MEIKIN: variants seen among roughly 807,000 people sequenced by gnomAD.
The protein encoded by MEIKIN is meiosis-specific kinetochore protein.
At chr5:131,831,960 C>T (rs992727979) in intron 11 of MEIKIN, among the ~76,000 whole-genome samples, 5 of 152,224 alleles carry the variant, frequency 3.3e-5, no homozygotes, top group South Asian at 2.1e-4. Context: ...CTGGGAGATA[C>T]AATTTGAGAT....
chr5:131,881,700 C>A (rs1016885420), intron 8 of MEIKIN, among the ~76,000 whole-genome samples: 1 of 152,038 alleles, frequency 6.6e-6, no homozygotes. Context: ...CAGTCACAAT[C>A]TTGGTATATA....
chr5:131,875,189 AGAG>A lies in MEIKIN; in HGVS notation c.774+3786_774+3788del, dbSNP rs550761217. 6.8e-4 allele frequency among the ~76,000 whole-genome samples: 103 copies of A among 152,328 alleles called. 3 individuals carry two copies. In the East Asian group the frequency reaches 0.019, roughly 27 times the overall value. ...AAATAAAGGGTATTCAATTAGGAAAAGAGGAAGTCAAATTGTCCCTGTTTGCAG... is the reference window on the plus strand; with the variant it reads ...AAATAAAGGGTATTCAATTAGGAAAAGAAGTCAAATTGTCCCTGTTTGCAG... On this transcript the variant is annotated intron_variant, in intron 9 of 12. Coordinates refer to ENST00000442687, the MANE Select transcript of MEIKIN (RefSeq NM_001303622.2).
intron 8 of MEIKIN, among the ~76,000 whole-genome samples, chr5:131,897,798 T>C (rs1751079863): frequency 6.6e-6 from 1 of 152,206 alleles, no homozygotes; most frequent in African/African-American, 2.4e-5. Flanking sequence ...CTAACCTTTT[T>C]TCAAGGTTTT....
At chr5:131,813,423 T>C (rs992813960) in intron 12 of MEIKIN, among the ~76,000 whole-genome samples, 61 of 129,248 alleles carry the variant, frequency 4.7e-4, no homozygotes, top group Non-Finnish European at 7.7e-4. Context: ...GATATTTAAC[T>C]ATATTCTTTT....
chr5:131,921,379 T>C (rs760544235), intron 6 of MEIKIN, among the ~76,000 whole-genome samples: 3 of 150,686 alleles, frequency 2.0e-5, no homozygotes, highest in Admixed American at 6.6e-5. Flanking sequence ...TTGATGTGCC[T>C]GGGAGCAGTG....
chr5:131,880,264 A>ATTTTTTTTTT (rs67579794), intron 8 of MEIKIN, among the ~76,000 whole-genome samples: 1 of 138,328 alleles, frequency 7.2e-6, no homozygotes. Flanking sequence ...TAATTTTTGT[A>ATTTTTTTTTT]TTTTTTTTTT....
At chr5:131,812,063 C>T (rs1772967766) in intron 12 of MEIKIN, among the ~76,000 whole-genome samples, 1 of 152,176 alleles carries the variant, frequency 6.6e-6, no homozygotes, top group African/African-American at 2.4e-5. Flanking sequence ...AGTAATGCCC[C>T]CACTCCAACA....
intron 9 of MEIKIN, among the ~76,000 whole-genome samples, chr5:131,878,333 C>T (rs992693649): frequency 7.2e-5 from 11 of 151,976 alleles, no homozygotes; most frequent in Non-Finnish European, 1.3e-4. Context: ...TTTCGGAGGC[C>T]GAGGCGGGCG....
intron 9 of MEIKIN, among the ~76,000 whole-genome samples, chr5:131,877,497 G>T (rs1750636355): frequency 6.6e-6 from 1 of 151,988 alleles, no homozygotes; most frequent in Admixed American, 6.6e-5. Context: ...ATGAAAATTA[G>T]CCATTTGTGG....
intron 8 of MEIKIN, among the ~76,000 whole-genome samples, chr5:131,884,877 G>C (rs531007571): frequency 6.6e-6 from 1 of 152,276 alleles, no homozygotes; most frequent in South Asian, 2.1e-4. Flanking sequence ...AGGAACACTG[G>C]TGGGTACCCT....
chr5:131,883,756 C>G (rs941686843), intron 8 of MEIKIN, among the ~76,000 whole-genome samples: 7 of 152,180 alleles, frequency 4.6e-5, no homozygotes, highest in Non-Finnish European at 8.8e-5. Context: ...AAAAGAGGCA[C>G]TGGAAAAGGT....
rs1410694472 is a variant in MEIKIN at position 131,807,103 on chromosome 5, G to C, written c.*133C>G. ...AGAACCTCAGTAGAATTTCAACATA[G>C]AGATATATCACAAATAACTGGAGAA... On this transcript the variant is annotated 3_prime_UTR_variant, in exon 13 of 13. Transcript: ENST00000442687. 7.6e-6 allele frequency: 3 copies of C among 394,590 alleles called. No homozygotes were observed. The highest frequency in any genetic ancestry group is 1.3e-5 in the Non-Finnish European group (3 of 224,178). 24.4% of individuals were successfully genotyped at this position (394,590 alleles called of 1,614,324 possible). A position where few individuals can be genotyped will look rare whatever the true frequency, so the allele number is the denominator to read the frequency against.
chr5:131,870,416 G>A (rs1304290632), intron 9 of MEIKIN, among the ~76,000 whole-genome samples: 6 of 151,790 alleles, frequency 4.0e-5, no homozygotes, highest in East Asian at 3.9e-4. Context: ...TGAACCTGAC[G>A]ATGGAGTTTT....
intron 12 of MEIKIN, among the ~76,000 whole-genome samples, chr5:131,812,132 T>C (rs1027621675): frequency 6.6e-6 from 1 of 152,256 alleles, no homozygotes; most frequent in Admixed American, 6.5e-5. Flanking sequence ...TTATACTGTA[T>C]GTAGATAATA....
intron 8 of MEIKIN, among the ~76,000 whole-genome samples, chr5:131,902,015 G>T (rs1261221358): frequency 6.6e-6 from 1 of 152,166 alleles, no homozygotes; most frequent in Non-Finnish European, 1.5e-5. Flanking sequence ...TATCATGATA[G>T]TGAGTTCTCA....
chr5:131,905,290 C>A (rs1195950334), intron 8 of MEIKIN, among the ~76,000 whole-genome samples: 1 of 151,884 alleles, frequency 6.6e-6, no homozygotes, highest in Non-Finnish European at 1.5e-5. Context: ...TGGGACATAG[C>A]CAAAGCAATG....
At chr5:131,888,631 T>C (rs1750845774) in intron 8 of MEIKIN, among the ~76,000 whole-genome samples, 1 of 152,134 alleles carries the variant, frequency 6.6e-6, no homozygotes, top group African/African-American at 2.4e-5. Flanking sequence ...GATGAGTAGA[T>C]TGCAAAACTT....
intron 6 of MEIKIN, among the ~76,000 whole-genome samples, chr5:131,920,697 A>T (rs544498888): frequency 1.7e-3 from 239 of 142,214 alleles, no homozygotes; most frequent in Admixed American, 4.9e-3. Context: ...GCATAACTTC[A>T]TTTTTTTTTT....
At chr5:131,912,295 TTATTATTATTA>T (rs1315848823) in intron 7 of MEIKIN, among the ~76,000 whole-genome samples, 19 of 151,040 alleles carry the variant, frequency 1.3e-4, no homozygotes, top group South Asian at 1.2e-3. Context: ...AGATTGATTA[TTATTATTATTA>T]TATTATTATT....
Sources: allele counts gnomAD v4.1 joint callset (sites outside exome capture counted in the v4.1 genomes callset), GRCh38; gene constraint gnomAD v4.1.1; transcripts MANE v1.5; gene names NCBI Gene and HGNC (gene_info 2026-07-23, HGNC 2026-07-21).